ATG7: variants seen among roughly 807,000 people sequenced by gnomAD.
The protein encoded by ATG7 is ubiquitin-like modifier-activating enzyme ATG7.
ATG7 carries 70 observed loss-of-function variants against 82.4 expected under a neutral mutation model. That is an observed-to-expected ratio of 0.85 (90% confidence interval 0.70 to 1.04). The LOEUF is 1.04. ATG7 is among the 50% of genes least tolerant of loss of function. The probability of loss-of-function intolerance (pLI) is 0.00; values close to 1 mark genes in which losing one functional copy is unlikely to be tolerated. For missense variants in ATG7, 792 were observed against 864.3 expected (o/e 0.92, Z 1.05); for synonymous variants, 287 against 313.0 (o/e 0.92, Z 0.88).
intron 19 of ATG7, among the ~76,000 whole-genome samples, chr3:11,415,653 C>CTGGA (rs1174202831): frequency 6.6e-6 from 1 of 152,066 alleles, no homozygotes; most frequent in Non-Finnish European, 1.5e-5. Context: ...GTATCACTGC[C>CTGGA]TTCCACCTCT....
At chr3:11,375,302 TTACAA>T (rs1422084736) in intron 18 of ATG7, among the ~76,000 whole-genome samples, 3 of 152,274 alleles carry the variant, frequency 2.0e-5, no homozygotes, top group East Asian at 3.9e-4. Context: ...TGTAACAAAC[TTACAA>T]TACAGCAATT....
At chr3:11,554,561 C>G (rs565445566) in intron 20 of ATG7, among the ~76,000 whole-genome samples, 51 of 152,304 alleles carry the variant, frequency 3.3e-4, no homozygotes, top group African/African-American at 1.1e-3. Flanking sequence ...AGGAGGTGAG[C>G]AGAGGCACAT....
chr3:11,572,196 A>G, the ATG7 span, among the ~76,000 whole-genome samples: 2 of 152,220 alleles, frequency 1.3e-5, no homozygotes. Flanking sequence ...GACATGCCCA[A>G]TCATATGCTA....
intron 9 of ATG7, among the ~76,000 whole-genome samples, chr3:11,327,199 T>G (rs1489079689): frequency 6.6e-6 from 1 of 152,226 alleles, no homozygotes; most frequent in African/African-American, 2.4e-5. Context: ...TACAGTGCTC[T>G]TGCCTTCACA....
At chr3:11,456,381 T>A (rs2085715390) in intron 20 of ATG7, among the ~76,000 whole-genome samples, 1 of 152,258 alleles carries the variant, frequency 6.6e-6, no homozygotes, top group African/African-American at 2.4e-5. Context: ...TATGGATTCA[T>A]CAGTTGGTAG....
At chr3:11,364,521 A>T in intron 17 of ATG7, 138 bp from the exon 18 acceptor site, 2 of 836,060 alleles carry the variant, frequency 2.4e-6, no homozygotes, top group Non-Finnish European at 3.8e-6. Context: ...CAGGGAAATT[A>T]GTTTTTTGCT....
At chr3:11,404,569 A>T (rs1484602072) in intron 19 of ATG7, among the ~76,000 whole-genome samples, 2 of 151,928 alleles carry the variant, frequency 1.3e-5, no homozygotes, top group African/African-American at 4.8e-5. Flanking sequence ...TTCCCTGAGC[A>T]GGTGTGTGGT....
intron 3 of ATG7, among the ~76,000 whole-genome samples, chr3:11,283,137 A>G (rs553032146): frequency 6.6e-6 from 1 of 152,210 alleles, no homozygotes; most frequent in African/African-American, 2.4e-5. Flanking sequence ...GCCCTTTAGA[A>G]CTTGTTCTTT....
chr3:11,522,867 G>A (rs2092477680), intron 20 of ATG7, among the ~76,000 whole-genome samples: 1 of 152,116 alleles, frequency 6.6e-6, no homozygotes, highest in African/African-American at 2.4e-5. Flanking sequence ...CAAATTAGTA[G>A]ATAGCTCTGG....
chr3:11,288,688 G>C (rs879918635), intron 3 of ATG7: 6 of 152,112 alleles, frequency 3.9e-5, no homozygotes, highest in Non-Finnish European at 5.9e-5. Flanking sequence ...TTTCCTGTGG[G>C]GATTTGATCT....
At chr3:11,564,867 G>T in the ATG7 span, 1 of 1,609,468 alleles carries the variant, frequency 6.2e-7, no homozygotes, top group Non-Finnish European at 8.5e-7. Flanking sequence ...GCTGTTCTTG[G>T]TCAGTGCGAG....
chr3:11,388,302 A>G lies in ATG7; in HGVS notation c.1956+8250A>G, dbSNP rs144167757. Reference sequence around the variant, plus strand: ...CATTTCTTTAGGCCCAGCTGTATCCAACTGGGTGATGGAGGACGGTACTAA... The same window carrying G: ...CATTTCTTTAGGCCCAGCTGTATCCGACTGGGTGATGGAGGACGGTACTAA... On this transcript the variant is annotated intron_variant, in intron 19 of 20. Coordinates refer to ENST00000693202, the MANE Select transcript of ATG7 (RefSeq NM_001349232.2). Among the ~76,000 whole-genome samples the G allele has an allele frequency of 3.9e-5, 6 of 152,232 alleles. No homozygotes were observed. The East Asian group carries it at 1.2e-3, about 29-fold the overall frequency.
intron 18 of ATG7, among the ~76,000 whole-genome samples, chr3:11,372,054 C>T (rs566801199): frequency 1.3e-5 from 2 of 151,472 alleles, no homozygotes; most frequent in East Asian, 1.9e-4. Context: ...TCATTCCCCA[C>T]GGTGAGGACG....
At chr3:11,381,044 T>A (rs145254625) in intron 19 of ATG7, among the ~76,000 whole-genome samples, 19 of 152,336 alleles carry the variant, frequency 1.2e-4, no homozygotes, top group African/African-American at 4.1e-4. Context: ...TTGGTTACGT[T>A]TAGATGCTCA....
intron 20 of ATG7, among the ~76,000 whole-genome samples, chr3:11,534,716 A>G (rs544031392): frequency 1.1e-3 from 162 of 152,306 alleles, no homozygotes; most frequent in African/African-American, 3.4e-3. Flanking sequence ...CCACAGTGGG[A>G]CGCTGCTCCC....
downstream of ATG7, among the ~76,000 whole-genome samples, chr3:11,559,929 G>A (rs1408342506): frequency 6.6e-6 from 1 of 152,182 alleles, no homozygotes; most frequent in Non-Finnish European, 1.5e-5. Flanking sequence ...AAGCCAGCTC[G>A]AGTTGGCCTC....
intron 20 of ATG7, among the ~76,000 whole-genome samples, chr3:11,429,793 C>A (rs2082700334): frequency 6.6e-6 from 1 of 151,920 alleles, no homozygotes; most frequent in African/African-American, 2.4e-5. Context: ...ACTAAAAATA[C>A]AAAATCTAGC....
At chr3:11,286,370 G>T (rs926409662) in intron 3 of ATG7, among the ~76,000 whole-genome samples, 1 of 152,030 alleles carries the variant, frequency 6.6e-6, no homozygotes, top group Non-Finnish European at 1.5e-5. Context: ...ACAATAATAG[G>T]TTTAGGGACC....
chr3:11,334,884 G>GAGGT (rs1215629601), intron 11 of ATG7, among the ~76,000 whole-genome samples: 1 of 149,806 alleles, frequency 6.7e-6, no homozygotes, highest in East Asian at 2.0e-4. Context: ...TTGAACCTGG[G>GAGGT]AGGTGGAGGT....
Sources: allele counts gnomAD v4.1 joint callset (sites outside exome capture counted in the v4.1 genomes callset), GRCh38; gene constraint gnomAD v4.1.1; transcripts MANE v1.5; gene names NCBI Gene and HGNC (gene_info 2026-07-23, HGNC 2026-07-21).